The following ARID1B variants were observed in gnomAD, a reference collection of about 807,000 sequenced individuals.
ARID1B encodes AT-rich interactive domain-containing protein 1B.
In ARID1B, 30 loss-of-function variants were observed where a neutral mutation model predicts 212.3. The ratio of observed to expected loss-of-function variants is 0.14; its 90% CI spans 0.11 to 0.19. The LOEUF (loss-of-function observed/expected upper bound fraction) is 0.19. Ranked by LOEUF, ARID1B falls within the 10% of genes least tolerant of loss-of-function variation. The pLI is 1.00. For missense variants in ARID1B, 2,891 were observed against 3,204.0 expected (o/e 0.90, Z 2.36); for synonymous variants, 1,402 against 1,301.7 (o/e 1.08, Z -1.66).
chr6:156,804,867 C>CAAAAAAAAAAAAAAAAAAAAAAAAAAA (rs61315445), intron 1 of ARID1B, among the ~76,000 whole-genome samples: 1 of 85,084 alleles, frequency 1.2e-5, no homozygotes, highest in African/African-American at 4.3e-5. Context: ...ATCTGATTGG[C>CAAAAAAAAAAAAAAAAAAAAAAAAAAA]AAAAAAAAAA....
intron 4 of ARID1B, among the ~76,000 whole-genome samples, chr6:157,060,160 C>G (rs370262001): frequency 1.3e-5 from 2 of 152,182 alleles, no homozygotes; most frequent in African/African-American, 4.8e-5. Context: ...CTAAAGAGAC[C>G]GCTGATAAGT....
Position 157,153,676 on chromosome 6 carries a change from G to A in ARID1B, c.3089+4725G>A, listed in dbSNP as rs560853263. On this transcript the variant is annotated intron_variant, in intron 8 of 19. Transcript: ENST00000636930. The stretch of plus-strand genomic sequence containing the variant: ...CCACTTCCTAAAGAGCATAGCTGTG[G>A]ATCCCAGGCTAAACACAGGCTTTAA... Among the ~76,000 whole-genome samples, 55 of 152,276 alleles carry A rather than the reference G, an allele frequency of 3.6e-4. No homozygotes were observed. The South Asian group carries it at 0.011, about 31-fold the overall frequency.
chr6:156,829,203 C>T lies in ARID1B; in HGVS notation c.1792-24C>T, dbSNP rs372009639. 5 of 1,571,304 alleles carry T rather than the reference C, an allele frequency of 3.2e-6. No homozygotes were observed. In the East Asian group the frequency reaches 6.8e-5, roughly 21 times the overall value. On this transcript the variant is annotated intron_variant, in intron 1 of 19. Transcript: ENST00000636930. ...TTGTAATAAAGAATGAATTAATAAACCGACTTCTTTTATGTCTTCACAGGG... is the reference window on the plus strand; with the variant it reads ...TTGTAATAAAGAATGAATTAATAAATCGACTTCTTTTATGTCTTCACAGGG...
At chr6:156,835,239 C>CA (rs58070286) in intron 2 of ARID1B, among the ~76,000 whole-genome samples, 1,938 of 107,586 alleles carry the variant, frequency 0.018, 87 homozygotes, top group African/African-American at 0.061. Context: ...GACTCTGTCA[C>CA]AAAAAAAAAA....
intron 1 of ARID1B, among the ~76,000 whole-genome samples, chr6:156,791,802 TAGAG>T (rs779152521): frequency 6.6e-6 from 1 of 152,188 alleles, no homozygotes; most frequent in Non-Finnish European, 1.5e-5. Context: ...CAGATGGAGA[TAGAG>T]AGATAAATGT....
intron 2 of ARID1B, among the ~76,000 whole-genome samples, chr6:156,887,703 T>G (rs1437263661): frequency 2.0e-5 from 3 of 152,100 alleles, no homozygotes; most frequent in African/African-American, 7.2e-5. Flanking sequence ...AGAGTGGGCT[T>G]TTGACTCGTG....
intron 2 of ARID1B, among the ~76,000 whole-genome samples, chr6:156,882,273 G>A (rs158259): frequency 0.14 from 21,103 of 152,170 alleles, 1,692 homozygotes; most frequent in Middle Eastern, 0.18. Context: ...TCCTCGGGCA[G>A]AGTTGGCCAG....
chr6:157,095,768 T>C (rs1583297919), intron 5 of ARID1B, among the ~76,000 whole-genome samples: 1 of 152,362 alleles, frequency 6.6e-6, no homozygotes, highest in East Asian at 1.9e-4. Flanking sequence ...AGCAGCAGAC[T>C]TCCTCATTTC....
intron 4 of ARID1B, among the ~76,000 whole-genome samples, chr6:157,040,903 G>A (rs1049596172): frequency 1.6e-4 from 24 of 152,130 alleles, no homozygotes; most frequent in Non-Finnish European, 3.1e-4. Flanking sequence ...CTGTTTTCCC[G>A]TGGTTTTAGT....
rs1454689672 is a variant in ARID1B, at chr6:156,980,737, C to T, written c.2247+45161C>T. Among the ~76,000 whole-genome samples the T allele has an allele frequency of 1.2e-4, 19 of 152,066 alleles. 1 individual carries two copies. The highest frequency in any genetic ancestry group is 6.6e-5 in the Admixed American group (1 of 15,264). ...CGGCCTTTGAGACAGTGGAGGGACCCGTGCAGCAGCCCGGAACCCGGCAGT... is the reference window on the plus strand; with the variant it reads ...CGGCCTTTGAGACAGTGGAGGGACCTGTGCAGCAGCCCGGAACCCGGCAGT... On this transcript the variant is annotated intron_variant, in intron 4 of 19. Coordinates refer to ENST00000636930, the MANE Select transcript of ARID1B (RefSeq NM_001374828.1).
Position 156,820,080 on chromosome 6 carries a change from G to T in ARID1B, c.1792-9147G>T, listed in dbSNP as rs1234146146. 2.0e-5 allele frequency among the ~76,000 whole-genome samples: 3 copies of T among 152,108 alleles called. No homozygotes were observed. The East Asian group carries it at 5.8e-4, about 29-fold the overall frequency. ...TCTTTCTCTGAGGTCAGAGAGAGGC[G>T]GAGAGGAGCCTGTGGATGTCTGGGC... On this transcript the variant is annotated intron_variant, in intron 1 of 19. Transcript: ENST00000636930.
chr6:157,084,062 A>T (rs1432431218), intron 4 of ARID1B, among the ~76,000 whole-genome samples: 1 of 151,390 alleles, frequency 6.6e-6, no homozygotes, highest in East Asian at 2.0e-4. Flanking sequence ...TGAACCCAGG[A>T]TGCAGAGCTT....
chr6:157,182,004 T>C (rs1792576662), intron 12 of ARID1B, among the ~76,000 whole-genome samples: 2 of 152,118 alleles, frequency 1.3e-5, no homozygotes, highest in African/African-American at 4.8e-5. Context: ...TCCCAGCACT[T>C]TGGGAAGCCA....
intron 2 of ARID1B, among the ~76,000 whole-genome samples, chr6:156,850,045 G>A (rs529980664): frequency 2.0e-5 from 3 of 148,516 alleles, no homozygotes; most frequent in African/African-American, 7.5e-5. Flanking sequence ...ACAACTTTAA[G>A]CACATAGTTA....
At chr6:157,051,047 C>T (rs917207423) in intron 4 of ARID1B, among the ~76,000 whole-genome samples, 17 of 152,200 alleles carry the variant, frequency 1.1e-4, no homozygotes, top group African/African-American at 3.9e-4. Context: ...TTATTCTGCG[C>T]ATTTGCAGGG....
chr6:157,052,789 G>A lies in ARID1B; in HGVS notation c.2248-31873G>A, dbSNP rs35901367. Among the ~76,000 whole-genome samples the A allele has an allele frequency of 2.4e-3, 371 of 152,192 alleles. 1 individual carries two copies. The highest frequency in any genetic ancestry group is 0.017 in the Middle Eastern group (5 of 294). On this transcript the variant is annotated intron_variant, in intron 4 of 19. Transcript: ENST00000636930. ...GGCTGGAGTGCAGTGGCGGAGTCTC[G>A]GCTCACTGCAACCTCTGACTCTCTG...
At chr6:156,901,243 A>G (rs981806648) in intron 2 of ARID1B, 133 bp from the exon 3 acceptor site, 3 of 1,013,230 alleles carry the variant, frequency 3.0e-6, no homozygotes, top group Non-Finnish European at 4.4e-6. Flanking sequence ...TGTTTAAGGA[A>G]GAGAGGATTA....
chr6:156,925,034 T>C (rs550288040), intron 3 of ARID1B, among the ~76,000 whole-genome samples: 1 of 152,298 alleles, frequency 6.6e-6, no homozygotes, highest in African/African-American at 2.4e-5. Context: ...AAAACTTCTT[T>C]CCTACGAAAG....
intron 1 of ARID1B, among the ~76,000 whole-genome samples, chr6:156,788,799 A>G (rs1176135813): frequency 2.0e-5 from 3 of 152,132 alleles, no homozygotes; most frequent in Admixed American, 2.0e-4. Flanking sequence ...TATAAAGAGC[A>G]ATTTTTTTTA....
Sources: allele counts gnomAD v4.1 joint callset (sites outside exome capture counted in the v4.1 genomes callset), GRCh38; gene constraint gnomAD v4.1.1; transcripts MANE v1.5; gene names NCBI Gene and HGNC (gene_info 2026-07-23, HGNC 2026-07-21).